Variants in PTH2R observed in about 807,000 individuals in gnomAD.
PTH2R encodes the protein parathyroid hormone 2 receptor, also known as PTH2 receptor.
PTH2R carries 59 observed loss-of-function variants against 60.3 expected under a neutral mutation model. The observed-to-expected ratio is 0.98, with a 90% CI of 0.79 to 1.22. PTH2R has a LOEUF of 1.22. Ranked by LOEUF, PTH2R falls within the 50% of genes most tolerant of loss-of-function variation. PTH2R has a pLI of 0.00. For synonymous variants in PTH2R, 256 were observed against 243.8 expected, an observed-to-expected ratio of 1.05 and a Z score of -0.47; for missense variants, 749 against 682.6, an observed-to-expected ratio of 1.10 and a Z score of -1.08.
chr2:208,460,080 G>A (rs1702603836), intron 9 of PTH2R, 119 bp downstream of exon 9: 1 of 820,340 alleles, frequency 1.2e-6, no homozygotes. Context: ...GACAAGTACA[G>A]CAACATCTAT....
At chr2:208,460,105 A>G in intron 9 of PTH2R, 144 bp downstream of exon 9, 1 of 687,492 alleles carries the variant, frequency 1.5e-6, no homozygotes, top group East Asian at 2.7e-5. Context: ...AGAGTCTGGG[A>G]CAGAGATCAG....
rs139507642 is a variant in PTH2R at position 208,427,640 on chromosome 2, C to T, written c.76-561C>T. Among the ~76,000 whole-genome samples, 397 of 152,222 alleles carry T rather than the reference C, an allele frequency of 2.6e-3. 1 individual carries two copies. The highest frequency in any genetic ancestry group is 8.7e-3 in the African/African-American group (362 of 41,558). ...AATACCCAGCTACGCATCTCCCAAA[C>T]TGTGAAACAAATTAATGTTTGTTAT... On this transcript the variant is annotated intron_variant, in intron 1 of 12. Coordinates refer to ENST00000272847, the MANE Select transcript of PTH2R (RefSeq NM_005048.4).
intron 1 of PTH2R, among the ~76,000 whole-genome samples, chr2:208,396,814 C>T (rs1252689535): frequency 6.6e-5 from 10 of 151,962 alleles, no homozygotes; most frequent in African/African-American, 1.2e-4. Flanking sequence ...GGGTATATAC[C>T]CAAAGGATTA....
chr2:208,486,202 T>G (rs879836842), intron 10 of PTH2R, among the ~76,000 whole-genome samples: 2 of 152,176 alleles, frequency 1.3e-5, no homozygotes, highest in Non-Finnish European at 2.9e-5. Context: ...ATGAGTATTG[T>G]TTTAAACCAC....
chr2:208,437,823 C>T lies in PTH2R; in HGVS notation c.353C>T (p.Thr118Ile). 6.2e-7 allele frequency: 1 copy of T among 1,613,870 alleles called. No individual in the cohort carries two copies. Among genetic ancestry groups the T allele is most frequent in the Non-Finnish European group, 8.5e-7 (1 of 1,179,804 alleles). Residue 118 changes from threonine to isoleucine, a missense_variant, in exon 4 of 13, where the codon ACA (threonine) becomes ATA (isoleucine). Coordinates refer to ENST00000272847, the MANE Select transcript of PTH2R (RefSeq NM_005048.4). Reference sequence around the variant, plus strand: ...GATTTTATGCACAGCTTAAATAAAACATGGGCCAATTATTCAGACTGCCTT... The same window carrying T: ...GATTTTATGCACAGCTTAAATAAAATATGGGCCAATTATTCAGACTGCCTT... Reference protein sequence around the residue: ...TWDFMHSLNKTWANYSDCLRF... With the variant: ...TWDFMHSLNKIWANYSDCLRF...
intron 8 of PTH2R, among the ~76,000 whole-genome samples, chr2:208,459,217 T>C (rs1005609530): frequency 4.6e-5 from 7 of 152,130 alleles, no homozygotes; most frequent in Admixed American, 1.3e-4. Flanking sequence ...ACCTCATTAG[T>C]TAATGAGGGA....
rs117516536 is a variant in PTH2R at position 208,441,768 on chromosome 2, T to A, written c.412-596T>A. 3.3e-4 allele frequency among the ~76,000 whole-genome samples: 51 copies of A among 152,312 alleles called. No homozygotes were observed. The East Asian group carries it at 9.5e-3, about 28-fold the overall frequency. On this transcript the variant is annotated intron_variant, in intron 4 of 12. Transcript: ENST00000272847. ...AGTAATGGTTACAAAAATGTACATA[T>A]GATCAAATGACATAGAACTATAAAT...
At position 208,365,985 on chromosome 2, in the gene PTH2R, T is replaced by A. The variant is rs1329632186; in HGVS notation, c.-259+5748T>A. Among the ~76,000 whole-genome samples the A allele has an allele frequency of 2.7e-3, 283 of 103,434 alleles. 2 individuals are homozygous for A. Among genetic ancestry groups the A allele is most frequent in the Non-Finnish European group, 3.6e-3 (182 of 51,050 alleles). The allele number at this position is 103,434 out of a possible 152,430, so 67.9% of individuals were successfully genotyped here. On this transcript the variant is annotated intron_variant, in intron 1 of 12. Transcript: ENST00000617735. ...ATTTTTTTTTTTTTTTTTTTTTTTT[T>A]TTTTTTTTTTTGCAGAGACAAGGTA...
In PTH2R at chr2:208,484,928, A is replaced by G. The variant is rs572764282; in HGVS notation, c.1076+3764A>G. Among the ~76,000 whole-genome samples the G allele has an allele frequency of 3.3e-5, 5 of 152,294 alleles. No individual in the cohort carries two copies. In the South Asian group the frequency reaches 1.0e-3, roughly 32 times the overall value. On this transcript the variant is annotated intron_variant, in intron 10 of 12. Transcript: ENST00000272847. ...GGATGTAACAGGAGCATGGTGCTTA[A>G]TGGCCAGTAGTGTCATGCTGAGTGC...
At chr2:208,469,082 G>C (rs1702821837) in intron 9 of PTH2R, among the ~76,000 whole-genome samples, 1 of 152,178 alleles carries the variant, frequency 6.6e-6, no homozygotes, top group Admixed American at 6.5e-5. Flanking sequence ...CACACGACTA[G>C]TATGATGAAA....
intron 1 of PTH2R, among the ~76,000 whole-genome samples, chr2:208,376,853 C>T (rs1700801373): frequency 6.8e-6 from 1 of 147,950 alleles, no homozygotes; most frequent in South Asian, 2.2e-4. Flanking sequence ...ATGCCTCTTT[C>T]TTTTTTTTTT....
At chr2:208,486,561 C>T (rs955659093) in intron 10 of PTH2R, among the ~76,000 whole-genome samples, 2 of 151,972 alleles carry the variant, frequency 1.3e-5, no homozygotes, top group Non-Finnish European at 2.9e-5. Context: ...GAGGATTTAC[C>T]CTTTCATCTT....
intron 1 of PTH2R, among the ~76,000 whole-genome samples, chr2:208,388,134 C>CCT (rs1553540988): frequency 1.8e-5 from 2 of 110,402 alleles, no homozygotes; most frequent in Admixed American, 1.7e-4. Flanking sequence ...ATGGTGAAAC[C>CCT]CCCCCCCCCG....
intron 1 of PTH2R, among the ~76,000 whole-genome samples, chr2:208,364,483 C>T (rs934633222): frequency 2.0e-5 from 3 of 152,130 alleles, no homozygotes; most frequent in African/African-American, 7.2e-5. Flanking sequence ...GTTGACCAGA[C>T]TGTCCTTTTC....
intron 6 of PTH2R, among the ~76,000 whole-genome samples, chr2:208,443,861 C>T (rs1003182596): frequency 1.5e-4 from 23 of 152,178 alleles, no homozygotes; most frequent in African/African-American, 5.3e-4. Flanking sequence ...AAAATCCCAT[C>T]AGCAAAACCA....
intron 1 of PTH2R, among the ~76,000 whole-genome samples, chr2:208,364,862 AT>A (rs112057671): frequency 0.13 from 19,489 of 151,922 alleles, 1,436 homozygotes; most frequent in African/African-American, 0.2. Context: ...TATAGTTTTC[AT>A]TATATAAGTT....
rs188713042 is a variant in PTH2R, at chr2:208,438,051, G to A, written c.411+170G>A. Among the ~76,000 whole-genome samples, 136 of 152,206 alleles carry A rather than the reference G, an allele frequency of 8.9e-4. 2 individuals are homozygous for A. The highest frequency in any genetic ancestry group is 3.1e-3 in the African/African-American group (129 of 41,512). ...TTTCAGATGCATATCAATCATTCTGGTATTTTCTATAGCCTAGAGCTACCT... is the reference window on the plus strand; with the variant it reads ...TTTCAGATGCATATCAATCATTCTGATATTTTCTATAGCCTAGAGCTACCT... On this transcript the variant is annotated intron_variant, in intron 4 of 12. Coordinates refer to ENST00000272847, the MANE Select transcript of PTH2R (RefSeq NM_005048.4).
Position 208,407,085 on chromosome 2 carries a change from A to T in PTH2R, c.42A>T (p.Leu14=). The T allele has an allele frequency of 7.2e-7, 1 of 1,395,846 alleles. No individual in the cohort carries two copies. Among genetic ancestry groups the T allele is most frequent in the Non-Finnish European group, 9.4e-7 (1 of 1,067,866 alleles). The allele number at this position is 1,395,846 out of a possible 1,614,324, so 86.5% of individuals were successfully genotyped here. A position where few individuals can be genotyped will look rare whatever the true frequency, so the allele number is the denominator to read the frequency against. The part of the protein sequence containing the change: ...LGASLHVWGW[L]MLGSCLLARA... ...CGTCGCTCCACGTCTGGGGTTGGCT[A>T]ATGCTCGGCAGCTGCCTCCTGGCCA... Residue 14 remains leucine, a synonymous_variant, in exon 1 of 13, where the codon CTA becomes CTT. Coordinates refer to ENST00000272847, the MANE Select transcript of PTH2R (RefSeq NM_005048.4).
chr2:208,480,671 C>T (rs1033471356), intron 9 of PTH2R, among the ~76,000 whole-genome samples: 1 of 152,150 alleles, frequency 6.6e-6, no homozygotes, highest in African/African-American at 2.4e-5. Flanking sequence ...GAGTGAATCC[C>T]CAAAATAGCT....
Sources: allele counts gnomAD v4.1 joint callset (sites outside exome capture counted in the v4.1 genomes callset), GRCh38; gene constraint gnomAD v4.1.1; transcripts MANE v1.5; gene names NCBI Gene and HGNC (gene_info 2026-07-23, HGNC 2026-07-21).